The following FAS variants were observed in gnomAD, a reference collection of about 807,000 sequenced individuals.
FAS encodes tumor necrosis factor receptor superfamily member 6.
A neutral mutation model predicts 33.2 loss-of-function variants in FAS; 5 were observed. The observed-to-expected ratio is 0.15, with a 90% CI of 0.08 to 0.32. FAS has a LOEUF of 0.32. FAS is among the 10% of genes least tolerant of loss of function. The pLI is 1.00. For synonymous variants in FAS, 131 were observed against 130.7 expected (o/e 1.00, Z -0.01); for missense variants, 339 against 386.0 (o/e 0.88, Z 1.02).
intron 2 of FAS, among the ~76,000 whole-genome samples, chr10:89,007,261 G>A (rs890895663): frequency 3.3e-5 from 5 of 152,120 alleles, no homozygotes; most frequent in Non-Finnish European, 7.4e-5. Context: ...CAGGATTTGT[G>A]GACTTTGGAA....
At chr10:88,973,325 A>G (rs760022320) in exon 2 of FAS, 1 of 1,560,414 alleles carries the variant, frequency 6.4e-7, no homozygotes, top group South Asian at 1.2e-5. Context: ...AGAGACAAGA[A>G]GTGGAATGGA....
At chr10:89,013,397 G>C (rs1848628373) in intron 8 of FAS, 30 bp downstream of exon 8, 3 of 1,607,642 alleles carry the variant, frequency 1.9e-6, no homozygotes, top group Non-Finnish European at 2.6e-6. Flanking sequence ...ATTTCATAGA[G>C]ATGGCATCCT....
rs953922863 is a variant in FAS, at chr10:89,016,366, T to G, written c.*1916T>G. ...TTTTCTGAGCCATCATAGTCTGTGC[T>G]GTCTGCTCTCCAGTTTTCTATTTCT... On this transcript the variant is annotated 3_prime_UTR_variant, in exon 9 of 9. Transcript: ENST00000652046. 6 of 218,972 alleles carry G rather than the reference T, an allele frequency of 2.7e-5. No individual in the cohort carries two copies. Among genetic ancestry groups the G allele is most frequent in the African/African-American group, 1.3e-4 (6 of 44,544 alleles). 13.6% of individuals were successfully genotyped at this position (218,972 alleles called of 1,614,324 possible).
chr10:88,997,141 C>T (rs546554861), intron 1 of FAS, among the ~76,000 whole-genome samples: 2 of 152,346 alleles, frequency 1.3e-5, no homozygotes, highest in South Asian at 4.1e-4. Flanking sequence ...ACCTCAGATT[C>T]TGCTTCCTCT....
upstream of FAS, among the ~76,000 whole-genome samples, chr10:88,986,295 T>C (rs1011127902): frequency 6.6e-6 from 1 of 152,162 alleles, no homozygotes; most frequent in South Asian, 2.1e-4. Context: ...TTTGTTTTCA[T>C]AGAATATCTG....
chr10:88,981,383 C>CTT lies in FAS; in HGVS notation n.260+8046_260+8047dup, dbSNP rs5786847. Among the ~76,000 whole-genome samples, 210 of 149,676 alleles carry CTT rather than the reference C, an allele frequency of 1.4e-3. 1 individual carries two copies. Among genetic ancestry groups the CTT allele is most frequent in the African/African-American group, 4.0e-3 (164 of 40,868 alleles). Reference sequence around the variant, plus strand: ...AACCATCGGGTTAAGAGAGAAATGACTTTTTTTTTTTAAAGAACTGGCCAT... The same window carrying CTT: ...AACCATCGGGTTAAGAGAGAAATGACTTTTTTTTTTTTTAAAGAACTGGCCAT... On this transcript the variant is annotated intron_variant and non_coding_transcript_variant, in intron 2 of 3. Transcript: ENST00000688239.
chr10:89,007,735 G>A lies in FAS; in HGVS notation c.232G>A (p.Asp78Asn), dbSNP rs1167762294. The A allele has an allele frequency of 3.7e-6, 6 of 1,613,984 alleles. No homozygotes were observed. In the East Asian group the frequency reaches 8.9e-5, roughly 24 times the overall value. Reference sequence around the variant, plus strand: ...AGCTAGGGACTGCACAGTCAATGGGGATGAACCAGACTGCGTGCCCTGCCA... The same window carrying A: ...AGCTAGGGACTGCACAGTCAATGGGAATGAACCAGACTGCGTGCCCTGCCA... ...RKARDCTVNG[D>N]EPDCVPCQEG... Residue 78 changes from aspartate (D) to asparagine (N), a missense_variant, in exon 3 of 9, where the codon GAT becomes AAT. By Grantham distance (23) the Asp-to-Asn change is conservative. This residue lies in a region of FAS where 276 missense variants were observed against 300.1 expected (regional missense o/e 0.92). Transcript: ENST00000652046.
At chr10:89,001,054 AC>A (rs1847899027) in intron 1 of FAS, among the ~76,000 whole-genome samples, 1 of 152,200 alleles carries the variant, frequency 6.6e-6, no homozygotes. Flanking sequence ...TCCGTCTAAA[AC>A]AAAACAAAAC....
At position 89,012,006 on chromosome 10, in the gene FAS, A is replaced by G; in HGVS notation, c.576A>G (p.Arg192=). ...LPIPLIVWVK[R]KEVQKTCRKH... is the part of the protein sequence containing the mutation. ...ATTTCTTTGTTCTTTCAGTGAAGAG[A>G]AAGGAAGTACAGAAAACATGCAGAA... The change falls in exon 7 of 9, where the codon AGA becomes AGG. Residue 192 remains arginine, a synonymous_variant. Coordinates refer to ENST00000652046, the MANE Select transcript of FAS (RefSeq NM_000043.6). The G allele has an allele frequency of 6.2e-7, 1 of 1,613,876 alleles. No individual in the cohort carries two copies. Among genetic ancestry groups the G allele is most frequent in the East Asian group, 2.2e-5 (1 of 44,868 alleles).
intron 2 of FAS, among the ~76,000 whole-genome samples, chr10:88,981,618 C>T (rs1021724084): frequency 7.2e-5 from 11 of 152,064 alleles, no homozygotes; most frequent in Admixed American, 2.0e-4. Context: ...GTTAACAGTA[C>T]CACAAGCAGT....
At chr10:88,973,377 G>T (rs1846492907) in intron 2 of FAS, 2 of 1,440,364 alleles carry the variant, frequency 1.4e-6, no homozygotes, top group South Asian at 1.6e-5. Flanking sequence ...GCGAACAATT[G>T]TGAAAATCTT....
At chr10:88,965,500 C>A (rs1361433475) in intron 1 of FAS, among the ~76,000 whole-genome samples, 1 of 152,154 alleles carries the variant, frequency 6.6e-6, no homozygotes, top group South Asian at 2.1e-4. Context: ...AACATAAAAG[C>A]CTTGCCCTAT....
chr10:88,969,316 T>C (rs1846381013), intron 1 of FAS, among the ~76,000 whole-genome samples: 1 of 152,236 alleles, frequency 6.6e-6, no homozygotes, highest in Admixed American at 6.5e-5. Flanking sequence ...AAAAAATCTT[T>C]GGAAGAAGTG....
chr10:89,011,522 C>T (rs1378407129), intron 6 of FAS, among the ~76,000 whole-genome samples: 4 of 152,208 alleles, frequency 2.6e-5, no homozygotes, highest in African/African-American at 7.2e-5. Flanking sequence ...GATATTTAAG[C>T]ACTGTAATTG....
chr10:88,969,660 T>C (rs1262306816), intron 1 of FAS, among the ~76,000 whole-genome samples: 2 of 152,238 alleles, frequency 1.3e-5, no homozygotes, highest in Non-Finnish European at 2.9e-5. Context: ...AAACCTCCTC[T>C]GACCACCATA....
At chr10:88,972,597 T>C (rs950330382) in intron 1 of FAS, among the ~76,000 whole-genome samples, 32 of 152,208 alleles carry the variant, frequency 2.1e-4, no homozygotes, top group Non-Finnish European at 2.9e-5. Flanking sequence ...GCTTTTTAAC[T>C]ATATCTTTTG....
intron 1 of FAS, among the ~76,000 whole-genome samples, chr10:88,995,090 A>ATG (rs369015042): frequency 8.3e-5 from 8 of 96,688 alleles, no homozygotes; most frequent in Non-Finnish European, 1.4e-4. Flanking sequence ...TTTGCTATGT[A>ATG]TGTATATATA....
At chr10:89,002,040 G>C (rs1206251913) in intron 1 of FAS, among the ~76,000 whole-genome samples, 4 of 152,174 alleles carry the variant, frequency 2.6e-5, no homozygotes, top group African/African-American at 9.7e-5. Context: ...AGTTTTCCCA[G>C]ACTGGAGGTC....
Position 89,014,485 on chromosome 10 carries a change from C to T in FAS, c.*35C>T. 6.3e-7 allele frequency: 1 copy of T among 1,577,628 alleles called. No individual in the cohort carries two copies. The highest frequency in any genetic ancestry group is 8.6e-7 in the Non-Finnish European group (1 of 1,158,584). ...CAACAAATTCAGTTCTGAGTATATG[C>T]AATTAGTGTTTGAAAAGATTCTTAA... On this transcript the variant is annotated 3_prime_UTR_variant, in exon 9 of 9. Transcript: ENST00000652046.
Sources: allele counts gnomAD v4.1 joint callset (sites outside exome capture counted in the v4.1 genomes callset), GRCh38; gene constraint gnomAD v4.1.1; regional missense constraint gnomAD v4.1.1; transcripts MANE v1.5; gene names NCBI Gene and HGNC (gene_info 2026-07-23, HGNC 2026-07-21).